Variants in NTM observed in about 807,000 individuals in gnomAD.
NTM encodes the protein IgLON family member 2.
NTM carries 13 observed loss-of-function variants against 42.1 expected under a neutral mutation model. That is an observed-to-expected ratio of 0.31 (90% CI 0.20 to 0.49). The LOEUF (loss-of-function observed/expected upper bound fraction) is 0.49. NTM is among the 20% of genes least tolerant of loss of function. NTM has a pLI of 0.99. For missense variants in NTM, 373 were observed against 452.8 expected, an observed-to-expected ratio of 0.82 and a Z score of 1.60; for synonymous variants, 187 against 179.2, an observed-to-expected ratio of 1.04 and a Z score of -0.35.
chr11:131,374,603 CCTG>C (rs1941716279), intron 1 of NTM, among the ~76,000 whole-genome samples: 1 of 152,086 alleles, frequency 6.6e-6, no homozygotes, highest in Admixed American at 6.5e-5. Flanking sequence ...CTCTTGGTTC[CCTG>C]CCTGAGGTGA....
chr11:131,597,215 T>G (rs2059887532), intron 1 of NTM, among the ~76,000 whole-genome samples: 2 of 152,226 alleles, frequency 1.3e-5, no homozygotes, highest in South Asian at 4.1e-4. Context: ...ACACTCAGGT[T>G]GGGCCCTTAG....
intron 3 of NTM, among the ~76,000 whole-genome samples, chr11:132,196,978 T>C (rs1014526494): frequency 6.6e-6 from 1 of 152,136 alleles, no homozygotes; most frequent in Non-Finnish European, 1.5e-5. Context: ...GAATCCAGTT[T>C]TTGGCCTGTG....
intron 1 of NTM, among the ~76,000 whole-genome samples, chr11:131,710,868 A>G (rs1470710386): frequency 6.6e-6 from 1 of 152,134 alleles, no homozygotes; most frequent in Admixed American, 6.5e-5. Context: ...CACCCTGCAA[A>G]CAAATAAAAC....
chr11:131,647,184 T>C (rs1364794017), intron 1 of NTM, among the ~76,000 whole-genome samples: 1 of 151,982 alleles, frequency 6.6e-6, no homozygotes, highest in Non-Finnish European at 1.5e-5. Context: ...TGGAGAGGGG[T>C]CCAGAAATAG....
intron 2 of NTM, among the ~76,000 whole-genome samples, chr11:132,059,320 G>A (rs909718802): frequency 6.6e-6 from 1 of 152,174 alleles, no homozygotes; most frequent in Non-Finnish European, 1.5e-5. Context: ...CCAGCTCAGG[G>A]CCGCCTCTGA....
intron 1 of NTM, among the ~76,000 whole-genome samples, chr11:131,702,453 C>T (rs945017658): frequency 1.3e-5 from 2 of 152,006 alleles, no homozygotes; most frequent in African/African-American, 4.8e-5. Flanking sequence ...TTGGAGAGAC[C>T]CAGCATCTTG....
At chr11:132,137,513 C>T (rs1401507865) in intron 2 of NTM, among the ~76,000 whole-genome samples, 1 of 152,158 alleles carries the variant, frequency 6.6e-6, no homozygotes, top group Non-Finnish European at 1.5e-5. Flanking sequence ...TATTGCACAA[C>T]GAACCTGTAA....
At chr11:131,529,085 G>A (rs1017993300) in intron 1 of NTM, among the ~76,000 whole-genome samples, 2 of 152,142 alleles carry the variant, frequency 1.3e-5, no homozygotes, top group Non-Finnish European at 2.9e-5. Context: ...CACCTCCTGG[G>A]CTATTGTTTT....
chr11:132,263,023 C>A (rs1310134321), intron 4 of NTM, among the ~76,000 whole-genome samples: 1 of 152,206 alleles, frequency 6.6e-6, no homozygotes. Flanking sequence ...GGTTCCCAGG[C>A]AAGACTAGAC....
chr11:131,657,590 G>A lies in NTM; in HGVS notation c.83-253974G>A, dbSNP rs1442073733. On this transcript the variant is annotated intron_variant, in intron 1 of 8. Coordinates refer to ENST00000683400, the MANE Select transcript of NTM (RefSeq NM_001352005.2). The stretch of plus-strand genomic sequence containing the variant: ...AACACCCCATGCCTACCTCTGTCTT[G>A]TCAATAGGATGCTATATTACAGCTC... 2.6e-5 allele frequency among the ~76,000 whole-genome samples: 4 copies of A among 152,148 alleles called. No individual in the cohort carries two copies. The East Asian group carries it at 7.7e-4, about 29-fold the overall frequency.
intron 1 of NTM, among the ~76,000 whole-genome samples, chr11:131,388,766 C>T (rs1281286001): frequency 6.6e-6 from 1 of 151,484 alleles, no homozygotes; most frequent in African/African-American, 2.4e-5. Context: ...AATCCCAGCA[C>T]TTCGGGAGGT....
intron 2 of NTM, among the ~76,000 whole-genome samples, chr11:131,914,679 T>A (rs926163346): frequency 1.3e-5 from 2 of 152,234 alleles, no homozygotes; most frequent in African/African-American, 4.8e-5. Flanking sequence ...AGCATAGCAC[T>A]GACAGCCTGA....
At chr11:131,706,360 A>C (rs574923997) in intron 1 of NTM, among the ~76,000 whole-genome samples, 30 of 152,130 alleles carry the variant, frequency 2.0e-4, no homozygotes, top group African/African-American at 7.2e-4. Flanking sequence ...AAAAAGGAGA[A>C]ATAGACAGCA....
intron 1 of NTM, among the ~76,000 whole-genome samples, chr11:131,566,045 A>G (rs1274258559): frequency 6.6e-6 from 1 of 152,196 alleles, no homozygotes; most frequent in Non-Finnish European, 1.5e-5. Context: ...TGATGTCGAT[A>G]TGAGATGATA....
In NTM at chr11:132,146,975, G is replaced by A. The variant is rs1014021317; in HGVS notation, c.400+461G>A. The stretch of plus-strand genomic sequence containing the variant: ...AGCAGAGCCAACCAGGATGCACTGG[G>A]CACTGCCCTCAGCTGCATCCTTCAC... On this transcript the variant is annotated intron_variant, in intron 3 of 8. Coordinates refer to ENST00000683400, the MANE Select transcript of NTM (RefSeq NM_001352005.2). This position sits in a 1 kb window ranked among gnomAD's most constrained non-coding sequence, Gnocchi z 4.5. 1.2e-5 allele frequency: 2 copies of A among 169,370 alleles called. No homozygotes were observed. Among genetic ancestry groups the A allele is most frequent in the African/African-American group, 4.9e-5 (2 of 40,812 alleles). 10.5% of individuals were successfully genotyped at this position (169,370 alleles called of 1,614,324 possible).
intron 1 of NTM, among the ~76,000 whole-genome samples, chr11:131,437,623 C>T (rs535525761): frequency 3.3e-5 from 5 of 152,200 alleles, no homozygotes; most frequent in Admixed American, 1.3e-4. Flanking sequence ...TTTTTATTTG[C>T]TTTCCATTTG....
At chr11:131,609,376 C>A (rs758251920) in intron 1 of NTM, among the ~76,000 whole-genome samples, 1 of 152,118 alleles carries the variant, frequency 6.6e-6, no homozygotes, top group Non-Finnish European at 1.5e-5. Context: ...TCATTTAAAC[C>A]CAGACAGGAC....
chr11:131,479,899 A>T (rs544813912), intron 1 of NTM, among the ~76,000 whole-genome samples: 101 of 152,202 alleles, frequency 6.6e-4, no homozygotes, highest in Non-Finnish European at 9.4e-4. Flanking sequence ...ATTTTTTTTT[A>T]AAAAAATCAA....
chr11:131,490,719 A>G (rs1954688951), intron 1 of NTM, among the ~76,000 whole-genome samples: 1 of 152,242 alleles, frequency 6.6e-6, no homozygotes, highest in African/African-American at 2.4e-5. Flanking sequence ...TACTAAAGTG[A>G]GACATTTTAA....
Sources: gnomAD v4.1 joint callset for allele counts (sites outside exome capture counted in the v4.1 genomes callset) on GRCh38, gnomAD v4.1.1 for gene constraint, Gnocchi (gnomAD v3.1) non-coding constraint, MANE v1.5 for transcripts, NCBI Gene and HGNC (gene_info 2026-07-23, HGNC 2026-07-21) for gene names.